The following EXOSC7 variants were observed in gnomAD, a reference collection of about 807,000 sequenced individuals.
EXOSC7 encodes exosome component 7.
EXOSC7 carries 25 observed loss-of-function variants against 34.3 expected under a neutral mutation model. That is an observed-to-expected ratio of 0.73 (90% CI 0.53 to 1.02). The LOEUF (loss-of-function observed/expected upper bound fraction) is 1.02. EXOSC7 is among the 50% of genes least tolerant of loss of function. The pLI, the probability that EXOSC7 is intolerant of heterozygous loss-of-function variation, is 0.00. For synonymous variants in EXOSC7, 130 were observed against 143.0 expected (o/e 0.91, Z 0.65); for missense variants, 370 against 368.5 (o/e 1.00, Z -0.03).
At position 45,001,532 on chromosome 3, in the gene EXOSC7, C is replaced by T; in HGVS notation, c.421-6C>T. 6.2e-7 allele frequency: 1 copy of T among 1,610,372 alleles called. No individual in the cohort carries two copies. Among genetic ancestry groups the T allele is most frequent in the Admixed American group, 1.7e-5 (1 of 60,000 alleles). ...TTTTTCCTTTTTCAATTCCTGTCTC[C>T]CTTAGCTTCTGGAATGTGGTGGAAA... On this transcript the variant is annotated splice_polypyrimidine_tract_variant and splice_region_variant and intron_variant, in intron 4 of 7. Transcript: ENST00000265564.
chr3:45,001,843 C>CCT (rs1227365809), intron 5 of EXOSC7: 1 of 437,224 alleles, frequency 2.3e-6, no homozygotes, highest in Non-Finnish European at 4.0e-6. Flanking sequence ...TATAAATAGA[C>CCT]ACCTACCATT....
At chr3:45,006,742 G>T (rs1347009869) in intron 6 of EXOSC7, among the ~76,000 whole-genome samples, 2 of 151,954 alleles carry the variant, frequency 1.3e-5, no homozygotes, top group African/African-American at 4.8e-5. Context: ...TTGCTCTGTT[G>T]CCCAGGCTGG....
In EXOSC7 at chr3:45,005,352, G is replaced by T; in HGVS notation, c.553G>T (p.Asp185Tyr). Residue 185 changes from aspartate (D) to tyrosine (Y), a missense_variant, in exon 6 of 8, where the codon GAC (aspartate) becomes TAC (tyrosine). By Grantham distance (160) the Asp-to-Tyr change is radical. Around this residue, in one of 3 missense-constraint regions of EXOSC7, gnomAD observed 255 missense variants for 246.4 expected, o/e 1.03. Coordinates refer to ENST00000265564, the MANE Select transcript of EXOSC7 (RefSeq NM_015004.4). Reference sequence around the variant, plus strand: ...GTCGAAGGACATTGAATTGTCAGATGACCCTTATGACTGCATACGACTAAG... The same window carrying T: ...GTCGAAGGACATTGAATTGTCAGATTACCCTTATGACTGCATACGACTAAG... ...EGSKDIELSD[D>Y]PYDCIRLSVE... 6.2e-7 allele frequency: 1 copy of T among 1,614,026 alleles called. No individual in the cohort carries two copies. Among genetic ancestry groups the T allele is most frequent in the Non-Finnish European group, 8.5e-7 (1 of 1,179,910 alleles).
intron 1 of EXOSC7, among the ~76,000 whole-genome samples, chr3:44,983,879 G>T (rs931220518): frequency 6.6e-6 from 1 of 151,618 alleles, no homozygotes; most frequent in Admixed American, 6.6e-5. Flanking sequence ...AAAAAAAGTT[G>T]CCCTGGGTAC....
Position 44,989,165 on chromosome 3 carries a change from G to A in EXOSC7, c.83G>A (p.Gly28Asp), listed in dbSNP as rs1455019687. Residue 28 changes from glycine (G) to aspartate (D), a missense_variant, in exon 2 of 8, where the codon GGC (glycine) becomes GAC (aspartate). This residue lies in a region of EXOSC7 where 95 missense variants were observed against 79.8 expected (regional missense o/e 1.19). Transcript: ENST00000265564. ...VQEDLRVDGRGCEDYRCVEVE... is the reference protein window; with the variant it reads ...VQEDLRVDGRDCEDYRCVEVE... ...GAAGACCTCCGTGTGGATGGCCGTG[G>A]CTGTGAGGACTACCGATGTGTCGAA... 1.2e-6 allele frequency: 2 copies of A among 1,614,026 alleles called. No individual in the cohort carries two copies. Among genetic ancestry groups the A allele is most frequent in the Non-Finnish European group, 1.7e-6 (2 of 1,179,994 alleles).
chr3:44,983,537 C>T (rs1292428243), intron 1 of EXOSC7, among the ~76,000 whole-genome samples: 1 of 151,384 alleles, frequency 6.6e-6, no homozygotes, highest in Non-Finnish European at 1.5e-5. Context: ...CCACACCACA[C>T]CCTACTGGTA....
At chr3:44,991,702 A>G (rs141274876) in intron 3 of EXOSC7, among the ~76,000 whole-genome samples, 1 of 152,168 alleles carries the variant, frequency 6.6e-6, no homozygotes, top group Non-Finnish European at 1.5e-5. Flanking sequence ...GTGTGAGAGG[A>G]TTCTTTGAGT....
intron 4 of EXOSC7, among the ~76,000 whole-genome samples, chr3:45,000,137 T>C (rs941598608): frequency 6.6e-6 from 1 of 152,246 alleles, no homozygotes; most frequent in Non-Finnish European, 1.5e-5. Context: ...TTTATAGTTC[T>C]CTAATGGCAT....
intron 4 of EXOSC7, 87 bp from the exon 5 acceptor site, chr3:45,001,451 A>AG: frequency 9.8e-7 from 1 of 1,019,106 alleles, no homozygotes; most frequent in East Asian, 2.4e-5. Flanking sequence ...TCAAAAAAAA[A>AG]AAAGCAGTGT....
chr3:44,995,231 C>T (rs1033169481), intron 3 of EXOSC7, among the ~76,000 whole-genome samples: 2 of 152,194 alleles, frequency 1.3e-5, no homozygotes, highest in Non-Finnish European at 2.9e-5. Flanking sequence ...GATCCACCCG[C>T]CTTGGCCTCC....
At chr3:44,979,048 G>A (rs979764402) in intron 1 of EXOSC7, among the ~76,000 whole-genome samples, 1 of 152,196 alleles carries the variant, frequency 6.6e-6, no homozygotes, top group African/African-American at 2.4e-5. Context: ...TAAATGCTCA[G>A]CTCTGTGTAT....
chr3:45,010,742 A>T (rs1707183939), intron 7 of EXOSC7, among the ~76,000 whole-genome samples: 1 of 152,172 alleles, frequency 6.6e-6, no homozygotes, highest in African/African-American at 2.4e-5. Flanking sequence ...CTTTGGTCAC[A>T]CCTGAGCAGT....
At chr3:44,995,417 C>T (rs758754269) in intron 3 of EXOSC7, among the ~76,000 whole-genome samples, 4 of 152,300 alleles carry the variant, frequency 2.6e-5, no homozygotes, top group African/African-American at 9.6e-5. Flanking sequence ...GAGGATGTGC[C>T]CACTACATTC....
intron 3 of EXOSC7, 33 bp downstream of exon 3, chr3:44,989,677 T>G: frequency 6.7e-7 from 1 of 1,483,662 alleles, no homozygotes; most frequent in South Asian, 1.2e-5. Flanking sequence ...TTTCTAAAGA[T>G]AAATGATTTT....
At chr3:45,001,366 C>G (rs945504653) in intron 4 of EXOSC7, among the ~76,000 whole-genome samples, 172 bp from the exon 5 acceptor site, 1 of 151,866 alleles carries the variant, frequency 6.6e-6, no homozygotes, top group African/African-American at 2.4e-5. Context: ...TTACTTGAAC[C>G]TGGGAGGCAG....
At chr3:44,979,598 T>TGC (rs60183088) in intron 1 of EXOSC7, among the ~76,000 whole-genome samples, 2 of 150,498 alleles carry the variant, frequency 1.3e-5, no homozygotes, top group Non-Finnish European at 3.0e-5. Context: ...GTTTTTTTTT[T>TGC]CCCCCTCTTT....
rs940843401 is a variant in EXOSC7 at position 45,001,734 on chromosome 3, A to G, written c.491+126A>G. On this transcript the variant is annotated intron_variant, in intron 5 of 7. Coordinates refer to ENST00000265564, the MANE Select transcript of EXOSC7 (RefSeq NM_015004.4). ...ATAACAGGGGGTTTTAACATTGAAA[A>G]TGGTGACATCTAACGTTAAACTCCA... 21 of 711,850 alleles carry G rather than the reference A, an allele frequency of 3.0e-5. No individual in the cohort carries two copies. In the African/African-American group the frequency reaches 3.5e-4, roughly 12 times the overall value. 44.1% of individuals were successfully genotyped at this position (711,850 alleles called of 1,614,324 possible). A position where few individuals can be genotyped will look rare whatever the true frequency, so the allele number is the denominator to read the frequency against.
At chr3:44,996,012 G>C (rs915734791) in intron 3 of EXOSC7, among the ~76,000 whole-genome samples, 4 of 152,060 alleles carry the variant, frequency 2.6e-5, no homozygotes, top group African/African-American at 9.7e-5. Flanking sequence ...CCCTACTCCC[G>C]CTTCTACCTC....
intron 1 of EXOSC7, among the ~76,000 whole-genome samples, chr3:44,978,783 G>T (rs1190083284): frequency 6.6e-6 from 1 of 152,126 alleles, no homozygotes; most frequent in Non-Finnish European, 1.5e-5. Context: ...TGCAGAGGTG[G>T]CCAGAAGCAC....
Sources: gnomAD v4.1 joint callset for allele counts (sites outside exome capture counted in the v4.1 genomes callset) on GRCh38, gnomAD v4.1.1 for gene constraint, gnomAD v4.1.1 regional missense constraint, MANE v1.5 for transcripts, NCBI Gene and HGNC (gene_info 2026-07-23, HGNC 2026-07-21) for gene names.